CSF2RA: variants seen among roughly 807,000 people sequenced by gnomAD.
CSF2RA encodes colony stimulating factor 2 receptor subunit alpha, also known as granulocyte-macrophage colony-stimulating factor receptor subunit alpha.
CSF2RA carries 42 observed loss-of-function variants against 51.6 expected under a neutral mutation model. The observed-to-expected ratio is 0.81, with a 90% CI of 0.64 to 1.05. CSF2RA has a LOEUF of 1.05. Among genes scored for constraint, CSF2RA ranks in the 50% least tolerant of loss-of-function variants. CSF2RA has a pLI of 0.00. For synonymous variants in CSF2RA, 222 were observed against 193.0 expected, an observed-to-expected ratio of 1.15 and a Z score of -1.24; for missense variants, 530 against 501.1, an observed-to-expected ratio of 1.06 and a Z score of -0.55.
Position 1,294,464 on chromosome X carries a change from C to T in CSF2RA, c.780+3C>T, listed in dbSNP as rs368467031. 50 of 1,613,794 alleles carry T rather than the reference C, an allele frequency of 3.1e-5. No individual in the cohort carries two copies. In the African/African-American group the frequency reaches 4.4e-4, roughly 14 times the overall value. ...ACCAGCTGGACGTCCACAGAAAGGT[C>T]GGTGAGAGCTCCCCGGGGCTGGGCA... On this transcript the variant is annotated splice_donor_region_variant and intron_variant, in intron 8 of 12. Coordinates refer to ENST00000381529, the MANE Select transcript of CSF2RA (RefSeq NM_172245.4).
chrX:1,312,067 A>C (rs1370559262), downstream of CSF2RA, among the ~76,000 whole-genome samples: 2 of 151,730 alleles, frequency 1.3e-5, no homozygotes, highest in South Asian at 2.1e-4. Context: ...GGCAATTCTC[A>C]TGCCTCAGCC....
At chrX:1,277,801 A>AC (rs201091281) in intron 2 of CSF2RA, among the ~76,000 whole-genome samples, 4,544 of 147,054 alleles carry the variant, frequency 0.031, 215 homozygotes, top group East Asian at 0.26. Context: ...ACATGGTGAA[A>AC]CCCCATCTCT....
At chrX:1,314,984 G>C (rs367851719), downstream of CSF2RA, among the ~76,000 whole-genome samples, 3,095 of 37,954 alleles carry the variant, frequency 0.082, 405 homozygotes, top group African/African-American at 0.21. Context: ...CTGCCCAATC[G>C]CACTGCACCT....
At chrX:1,314,911 C>T (rs1337868314), downstream of CSF2RA, among the ~76,000 whole-genome samples, 8 of 83,814 alleles carry the variant, frequency 9.5e-5, no homozygotes, top group Non-Finnish European at 2.1e-4. Flanking sequence ...CTCAACCCCA[C>T]TTCACCTGCC....
intron 1 of CSF2RA, among the ~76,000 whole-genome samples, chrX:1,269,676 A>G (rs2088114025): frequency 6.6e-6 from 1 of 151,274 alleles, no homozygotes; most frequent in African/African-American, 2.4e-5. Flanking sequence ...GCAGAGCTGA[A>G]AGGGGGAGGG....
intron 1 of CSF2RA, among the ~76,000 whole-genome samples, chrX:1,273,065 A>C (rs28847021): frequency 6.6e-6 from 1 of 150,414 alleles, no homozygotes; most frequent in Middle Eastern, 3.5e-3. Context: ...AGTGATCCAC[A>C]CGCCTCAGCC....
At chrX:1,318,712 T>C in the CSF2RA span, among the ~76,000 whole-genome samples, 1 of 151,114 alleles carries the variant, frequency 6.6e-6, no homozygotes, top group African/African-American at 2.4e-5. Context: ...GGTCAGGAGA[T>C]CGAGACCCTC....
In CSF2RA at chrX:1,282,711, T is replaced by C; in HGVS notation, c.8T>C (p.Leu3Pro). Residue 3 changes from leucine to proline, a missense_variant, in exon 3 of 13, where the codon CTC becomes CCC. Coordinates refer to ENST00000381529, the MANE Select transcript of CSF2RA (RefSeq NM_172245.4). ...TTCTCTCTGACCAGCACCATGCTTC[T>C]CCTGGTGACAAGCCTTCTGCTCTGT... ML[L>P]LVTSLLLCEL... The C allele has an allele frequency of 5.0e-6, 8 of 1,613,158 alleles. No homozygotes were observed. Among genetic ancestry groups the C allele is most frequent in the Non-Finnish European group, 6.8e-6 (8 of 1,179,128 alleles).
chrX:1,314,564 TCCCACTGCACCTGCCCAAC>T (rs1569514950), downstream of CSF2RA, among the ~76,000 whole-genome samples: 3 of 8,636 alleles, frequency 3.5e-4, no homozygotes, highest in Admixed American at 1.3e-3. Flanking sequence ...ACCTGCCCAA[TCCCACTGCACCTGCCCAAC>T]CCCACTGCAC....
downstream of CSF2RA, among the ~76,000 whole-genome samples, chrX:1,314,927 G>C (rs189177523): frequency 0.022 from 979 of 44,208 alleles, 77 homozygotes; most frequent in African/African-American, 0.098. Context: ...CTGCCCAACC[G>C]CACTGCACTT....
At chrX:1,293,704 C>T (rs1233190765) in intron 7 of CSF2RA, among the ~76,000 whole-genome samples, 16 of 151,670 alleles carry the variant, frequency 1.1e-4, no homozygotes, top group South Asian at 2.1e-4. Flanking sequence ...GACCCTGCCC[C>T]ATCTCCACCT....
downstream of CSF2RA, among the ~76,000 whole-genome samples, chrX:1,315,215 TGTG>T (rs2084524653): frequency 6.6e-6 from 1 of 151,810 alleles, no homozygotes; most frequent in South Asian, 2.1e-4. Context: ...TGAGGACAGG[TGTG>T]GTGAAAATGG....
chrX:1,303,898 G>C (rs1263749377), intron 10 of CSF2RA, 25 bp from the exon 11 acceptor site: 3 of 1,584,484 alleles, frequency 1.9e-6, no homozygotes, highest in African/African-American at 2.7e-5. Context: ...ATTCACCGCA[G>C]ACGCAAACCT....
intron 1 of CSF2RA, among the ~76,000 whole-genome samples, chrX:1,272,316 A>G (rs112976161): frequency 0.11 from 15,986 of 150,964 alleles, 1,758 homozygotes; most frequent in African/African-American, 0.28. Flanking sequence ...TCCACCCCAC[A>G]ATGAGGTTCA....
At chrX:1,287,717 T>C (rs1249295636) in intron 4 of CSF2RA, among the ~76,000 whole-genome samples, 1 of 133,102 alleles carries the variant, frequency 7.5e-6, no homozygotes, top group Admixed American at 7.5e-5. Context: ...GTGCTGGCAT[T>C]ACAGGTGTGA....
intron 3 of CSF2RA, among the ~76,000 whole-genome samples, 155 bp downstream of exon 3, chrX:1,282,934 C>T (rs1274295698): frequency 2.0e-5 from 3 of 152,128 alleles, no homozygotes; most frequent in Non-Finnish European, 4.4e-5. Context: ...AAGCTCAGAG[C>T]TCCTCTTGTT....
chrX:1,320,117 G>T, the CSF2RA span, among the ~76,000 whole-genome samples: 4 of 151,722 alleles, frequency 2.6e-5, no homozygotes, highest in African/African-American at 9.7e-5. Flanking sequence ...GGATGGTCTC[G>T]ATCTCCTGAC....
downstream of CSF2RA, among the ~76,000 whole-genome samples, chrX:1,314,579 C>CCAACCACACTGAACCTGCT (rs2084419492): frequency 2.4e-5 from 1 of 41,338 alleles, no homozygotes; most frequent in African/African-American, 8.9e-5. Context: ...CTGCACCTGC[C>CCAACCACACTGAACCTGCT]CAACCCCACT....
chrX:1,271,238 A>G lies in CSF2RA; in HGVS notation c.-91+2359A>G, dbSNP rs1236068808. Among the ~76,000 whole-genome samples the G allele has an allele frequency of 2.7e-4, 13 of 47,560 alleles. 2 individuals carry two copies. Among genetic ancestry groups the G allele is most frequent in the Non-Finnish European group, 9.9e-5 (2 of 20,142 alleles). 31.2% of individuals were successfully genotyped at this position (47,560 alleles called of 152,430 possible). On this transcript the variant is annotated intron_variant, in intron 1 of 12. Transcript: ENST00000381529. ...AGTGGCGCGATCTCTGCTCACCGCA[A>G]CCTCCGCCTCCTGGGTTCAAGCAAT...
Sources: allele counts gnomAD v4.1 joint callset (sites outside exome capture counted in the v4.1 genomes callset), GRCh38; gene constraint gnomAD v4.1.1; transcripts MANE v1.5; gene names NCBI Gene and HGNC (gene_info 2026-07-23, HGNC 2026-07-21).